The following DOCK6 variants were observed in gnomAD, a reference collection of about 807,000 sequenced individuals.
The protein encoded by DOCK6 is dedicator of cytokinesis 6.
A neutral mutation model predicts 230.3 loss-of-function variants in DOCK6; 167 were observed. The ratio of observed to expected loss-of-function variants is 0.73; its 90% CI spans 0.64 to 0.82. The LOEUF is 0.82. Ranked by LOEUF, DOCK6 falls within the 40% of genes least tolerant of loss-of-function variation. The probability of loss-of-function intolerance (pLI) is 0.00; values close to 1 mark genes in which losing one functional copy is unlikely to be tolerated. For missense variants in DOCK6, 2,598 were observed against 2,825.8 expected (o/e 0.92, Z 1.83); for synonymous variants, 1,148 against 1,185.0 (o/e 0.97, Z 0.64).
At chr19:11,255,607 CT>C (rs1736300836) in intron 1 of DOCK6, among the ~76,000 whole-genome samples, 1 of 152,008 alleles carries the variant, frequency 6.6e-6, no homozygotes, top group African/African-American at 2.4e-5. Flanking sequence ...TTCCAGTCTT[CT>C]TCTACAACTT....
At chr19:11,240,169 C>G (rs1390689613) in intron 14 of DOCK6, 2 of 1,552,522 alleles carry the variant, frequency 1.3e-6, no homozygotes, top group Non-Finnish European at 1.7e-6. Context: ...CAGGCAGAGG[C>G]CACAGCTGAG....
Position 11,202,449 on chromosome 19 carries a change from A to G in DOCK6, c.5396T>C (p.Val1799Ala), listed in dbSNP as rs745478049. 1.9e-6 allele frequency: 3 copies of G among 1,613,580 alleles called. No homozygotes were observed. The highest frequency in any genetic ancestry group is 2.2e-5 in the South Asian group (2 of 91,076). ...AGGGTTAGAGTCTTTGATAATCTCA[A>G]CGACGTCGTCGCCAAATCTCTCCGT... ...FYTERFGDDVVEIIKDSNPVD... is the reference protein window; with the variant it reads ...FYTERFGDDVAEIIKDSNPVD... The change falls in exon 43 of 48, where the codon GTT becomes GCT. Residue 1799 changes from valine (V) to alanine (A), a missense_variant. Transcript: ENST00000294618. This position sits in a 1 kb window ranked among gnomAD's most constrained non-coding sequence, Gnocchi z 5.3.
Position 11,227,371 on chromosome 19 carries a change from G to A in DOCK6, c.2921C>T (p.Ser974Phe). The change falls in exon 24 of 48, where the codon TCT (serine) becomes TTT (phenylalanine). Residue 974 changes from serine (S) to phenylalanine (F), a missense_variant. Coordinates refer to ENST00000294618, the MANE Select transcript of DOCK6 (RefSeq NM_020812.4). ...ACGGGTGATGACCTCCAGGCCCACAGAGCCCACCAAGGCAGTGATGTCGTC... is the reference window on the plus strand; with the variant it reads ...ACGGGTGATGACCTCCAGGCCCACAAAGCCCACCAAGGCAGTGATGTCGTC... ...FLDDITALVGSVGLEVITRVH... is the reference protein window; with the variant it reads ...FLDDITALVGFVGLEVITRVH... The A allele has an allele frequency of 1.2e-6, 2 of 1,613,910 alleles. No individual in the cohort carries two copies. Among genetic ancestry groups the A allele is most frequent in the Non-Finnish European group, 1.7e-6 (2 of 1,179,890 alleles).
chr19:11,213,750 T>A (rs1681220374), intron 34 of DOCK6, among the ~76,000 whole-genome samples: 1 of 149,996 alleles, frequency 6.7e-6, no homozygotes, highest in Non-Finnish European at 1.5e-5. Context: ...AGTAGCTCCC[T>A]AGTAGCTGGG....
intron 35 of DOCK6, among the ~76,000 whole-genome samples, 173 bp from the exon 36 acceptor site, chr19:11,212,324 C>G (rs2079402238): frequency 6.6e-6 from 1 of 152,134 alleles, no homozygotes; most frequent in African/African-American, 2.4e-5. Context: ...TCACTGCAAC[C>G]TCCATCTCCC....
intron 6 of DOCK6, among the ~76,000 whole-genome samples, chr19:11,249,823 G>A (rs1424565442): frequency 4.7e-5 from 7 of 148,938 alleles, no homozygotes; most frequent in African/African-American, 7.4e-5. Flanking sequence ...GCGTGAACCC[G>A]GGAGGCGGAG....
chr19:11,208,764 C>T lies in DOCK6; in HGVS notation c.5010G>A (p.Glu1670=). Residue 1670 remains glutamate, a synonymous_variant, in exon 39 of 48, where the codon GAG becomes GAA. Transcript: ENST00000294618. ...TGAAGTGCTTCCCGGAGCAGAAGCCCTCCTCGTCGGGCGACAGGATGTCGT... is the reference window on the plus strand; with the variant it reads ...TGAAGTGCTTCCCGGAGCAGAAGCCTTCCTCGTCGGGCGACAGGATGTCGT... ...ISDDILSPDE[E]GFCSGKHFTE... is the part of the protein sequence containing the mutation. 1 of 1,613,790 alleles carries T rather than the reference C, an allele frequency of 6.2e-7. No individual in the cohort carries two copies. The highest frequency in any genetic ancestry group is 8.5e-7 in the Non-Finnish European group (1 of 1,179,756).
chr19:11,248,037 TAAG>T lies in DOCK6; in HGVS notation c.806+26_806+28del, dbSNP rs770595934. The T allele has an allele frequency of 3.8e-6, 6 of 1,594,920 alleles. No homozygotes were observed. The Admixed American group carries it at 8.6e-5, about 23-fold the overall frequency. On this transcript the variant is annotated intron_variant, in intron 7 of 47. Coordinates refer to ENST00000294618, the MANE Select transcript of DOCK6 (RefSeq NM_020812.4). Reference sequence around the variant, plus strand: ...AACCCATGTGGTTGCTTCACGCATCTAAGAAGAGAGACATGTCAGTATACTCAC... The same window carrying T: ...AACCCATGTGGTTGCTTCACGCATCTAAGAGAGACATGTCAGTATACTCAC...
rs190830362 is a variant in DOCK6 at position 11,209,007 on chromosome 19, G to A, written c.4848C>T (p.Ala1616=). The A allele has an allele frequency of 3.6e-4, 584 of 1,611,446 alleles. No homozygotes were observed. The highest frequency in any genetic ancestry group is 5.4e-4 in the East Asian group (24 of 44,834). ...CGGCCGCGTGCACCATGCACTGGGCGGCCTCGGCGTGGTTGCCCAGCTCCG... is the reference window on the plus strand; with the variant it reads ...CGGCCGCGTGCACCATGCACTGGGCAGCCTCGGCGTGGTTGCCCAGCTCCG... ...KHAELGNHAE[A]AQCMVHAAAL... The change falls in exon 38 of 48, where the codon GCC becomes GCT. Residue 1616 remains alanine, a synonymous_variant. Transcript: ENST00000294618.
At chr19:11,246,589 C>T (rs1397710376) in intron 7 of DOCK6, among the ~76,000 whole-genome samples, 1 of 152,084 alleles carries the variant, frequency 6.6e-6, no homozygotes, top group South Asian at 2.1e-4. Flanking sequence ...TTCCCCCTCC[C>T]TACACCCTCA....
In DOCK6 at chr19:11,202,190, G is replaced by A; in HGVS notation, c.5452-65C>T. The A allele has an allele frequency of 6.5e-7, 1 of 1,527,934 alleles. No homozygotes were observed. The highest frequency in any genetic ancestry group is 9.0e-7 in the Non-Finnish European group (1 of 1,108,848). The allele number at this position is 1,527,934 out of a possible 1,614,324, so 94.6% of individuals were successfully genotyped here. On this transcript the variant is annotated intron_variant, in intron 43 of 47. Coordinates refer to ENST00000294618, the MANE Select transcript of DOCK6 (RefSeq NM_020812.4). The surrounding 1 kb of genome is among the most constrained non-coding windows in gnomAD (Gnocchi z 5.3). ...CACGCACAGCCCAAGCCCTGTTCCT[G>A]GAGAGAGGGGATCTGGGGACTTTGT...
At position 11,236,491 on chromosome 19, in the gene DOCK6, G is replaced by A. The variant is rs1426835031; in HGVS notation, c.2247C>T (p.Ser749=). The change falls in exon 20 of 48, where the codon AGC becomes AGT. Residue 749 remains serine (S), a synonymous_variant. Transcript: ENST00000294618. This position sits in a 1 kb window ranked among gnomAD's most constrained non-coding sequence, Gnocchi z 5.2. ...FPFRLKDTVL[S]EGNVEQELRA... is the part of the protein sequence containing the mutation. ...GCAGCTCCTGCTCCACGTTGCCCTC[G>A]CTCAGCACAGTGTCCTTGAGCCGGA... The A allele has an allele frequency of 7.5e-6, 12 of 1,601,756 alleles. No individual in the cohort carries two copies. Among genetic ancestry groups the A allele is most frequent in the Admixed American group, 1.7e-5 (1 of 58,002 alleles).
Position 11,236,884 on chromosome 19 carries a change from G to A in DOCK6, c.2074-5C>T, listed in dbSNP as rs888412903. ...GCGCATGCCCGGAAGCGCCACCTGT[G>A]GGAGGGAGGCACCAGGTGGGCACTG... On this transcript the variant is annotated splice_region_variant and splice_polypyrimidine_tract_variant and intron_variant, in intron 18 of 47. Coordinates refer to ENST00000294618, the MANE Select transcript of DOCK6 (RefSeq NM_020812.4). This position sits in a 1 kb window ranked among gnomAD's most constrained non-coding sequence, Gnocchi z 5.2. 8 of 1,551,266 alleles carry A rather than the reference G, an allele frequency of 5.2e-6. No individual in the cohort carries two copies. The Admixed American group carries it at 1.4e-4, about 27-fold the overall frequency.
rs1379170040 is a variant in DOCK6, at chr19:11,229,110, G to T, written c.2719-75C>A. ...TACCCCCTCTGGAGACATGCCAGGG[G>T]AAGATGCAGCTGGAGGGCTCGGGGT... On this transcript the variant is annotated intron_variant, in intron 22 of 47. Coordinates refer to ENST00000294618, the MANE Select transcript of DOCK6 (RefSeq NM_020812.4). 7 of 1,462,710 alleles carry T rather than the reference G, an allele frequency of 4.8e-6. 1 individual carries two copies. Among genetic ancestry groups the T allele is most frequent in the Middle Eastern group, 4.4e-4 (2 of 4,564 alleles). 90.6% of individuals were successfully genotyped at this position (1,462,710 alleles called of 1,614,324 possible). A position where few individuals can be genotyped will look rare whatever the true frequency, so the allele number is the denominator to read the frequency against.
At chr19:11,212,197 C>T in intron 35 of DOCK6, 46 bp from the exon 36 acceptor site, 1 of 1,583,070 alleles carries the variant, frequency 6.3e-7, no homozygotes, top group Non-Finnish European at 8.5e-7. Flanking sequence ...TCTCAGACCC[C>T]AGACCCCACA....
In DOCK6 at chr19:11,237,772, C is replaced by G. The variant is rs527879848; in HGVS notation, c.1840G>C (p.Glu614Gln). The G allele has an allele frequency of 4.5e-5, 70 of 1,567,204 alleles. No individual in the cohort carries two copies. Among genetic ancestry groups the G allele is most frequent in the Admixed American group, 1.9e-4 (10 of 52,428 alleles). Residue 614 changes from glutamate (E) to glutamine (Q), a missense_variant, in exon 17 of 48, where the codon GAG becomes CAG. Glu to Gln is a conservative substitution (Grantham distance 29, BLOSUM62 2). Coordinates refer to ENST00000294618, the MANE Select transcript of DOCK6 (RefSeq NM_020812.4). ...TGCAGCTTGAACTCCTCGTAGAACTCGGGGGACCTGGCAGAATCGGGCTGG... is the reference window on the plus strand; with the variant it reads ...TGCAGCTTGAACTCCTCGTAGAACTGGGGGGACCTGGCAGAATCGGGCTGG... ...TPVVYHNKSP[E>Q]FYEEFKLHLP...
At position 11,251,006 on chromosome 19, in the gene DOCK6, G is replaced by T; in HGVS notation, c.588C>A (p.Asn196Lys). The T allele has an allele frequency of 6.2e-7, 1 of 1,613,834 alleles. No homozygotes were observed. The highest frequency in any genetic ancestry group is 8.5e-7 in the Non-Finnish European group (1 of 1,179,872). Residue 196 changes from asparagine (N) to lysine (K), a missense_variant, in exon 6 of 48, where the codon AAC becomes AAA. By Grantham distance (94) the Asn-to-Lys change is moderately conservative (BLOSUM62 0). Coordinates refer to ENST00000294618, the MANE Select transcript of DOCK6 (RefSeq NM_020812.4). The part of the protein sequence containing the change: ...SGASSIFDLR[N>K]LAADSLLPSL... ...AGGGCAGCAATGAGTCAGCTGCCAG[G>T]TTCCTCAGGTCGAAGATGCTAGAGG...
At chr19:11,245,510 C>G in intron 9 of DOCK6, 53 bp downstream of exon 9, 1 of 1,496,804 alleles carries the variant, frequency 6.7e-7, no homozygotes, top group South Asian at 1.2e-5. Context: ...AAGGCAGGGA[C>G]TAAATCAGTG....
intron 14 of DOCK6, chr19:11,239,918 G>T (rs904159174): frequency 1.3e-6 from 2 of 1,585,934 alleles, no homozygotes; most frequent in Non-Finnish European, 8.6e-7. Flanking sequence ...CTTCGGGCAA[G>T]CCTGTTGGAG....
Sources: gnomAD v4.1 joint callset for allele counts (sites outside exome capture counted in the v4.1 genomes callset) on GRCh38, gnomAD v4.1.1 for gene constraint, Gnocchi (gnomAD v3.1) non-coding constraint, MANE v1.5 for transcripts, NCBI Gene and HGNC (gene_info 2026-07-23, HGNC 2026-07-21) for gene names.